NSUN6: variants seen among roughly 807,000 people sequenced by gnomAD.
NSUN6 encodes the protein tRNA (cytosine(72)-C(5))-methyltransferase NSUN6.
NSUN6 carries 64 observed loss-of-function variants against 58.0 expected under a neutral mutation model. That is an observed-to-expected ratio of 1.10 (90% confidence interval 0.90 to 1.36). The LOEUF is 1.36. Ranked by LOEUF, NSUN6 falls within the 40% of genes most tolerant of loss-of-function variation. The pLI, the probability that NSUN6 is intolerant of heterozygous loss-of-function variation, is 0.00. For synonymous variants in NSUN6, 231 were observed against 193.9 expected, an observed-to-expected ratio of 1.19 and a Z score of -1.59; for missense variants, 701 against 550.1, an observed-to-expected ratio of 1.27 and a Z score of -2.74.
At chr10:18,600,267 T>G (rs996304521) in intron 6 of NSUN6, among the ~76,000 whole-genome samples, 1 of 152,102 alleles carries the variant, frequency 6.6e-6, no homozygotes, top group South Asian at 2.1e-4. Context: ...CCCAAATATT[T>G]TTGCACAAGA....
chr10:18,605,133 T>C (rs1189242234), intron 6 of NSUN6, among the ~76,000 whole-genome samples: 1 of 150,358 alleles, frequency 6.7e-6, no homozygotes, highest in Non-Finnish European at 1.5e-5. Flanking sequence ...AATCCGCCCG[T>C]CTCGGCCTCC....
Position 18,545,868 on chromosome 10 carries a change from TAA to T in NSUN6, c.*63_*64del, listed in dbSNP as rs75967699. 3,093 of 728,974 alleles carry T rather than the reference TAA, an allele frequency of 4.2e-3. No individual in the cohort carries two copies. The highest frequency in any genetic ancestry group is 5.0e-3 in the South Asian group (291 of 58,166). The allele number at this position is 728,974 out of a possible 1,614,324, so 45.2% of individuals were successfully genotyped here. On this transcript the variant is annotated 3_prime_UTR_variant, in exon 11 of 11. Coordinates refer to ENST00000377304, the MANE Select transcript of NSUN6 (RefSeq NM_182543.5). ...TCAGTTGGCCTGACAACACTTTGGT[TAA>T]AAAAAAAAAAACCACAGACAGCAAA... is the stretch of plus-strand genomic sequence containing the variant.
At chr10:18,638,050 G>A (rs1293250071) in intron 3 of NSUN6, among the ~76,000 whole-genome samples, 1 of 152,150 alleles carries the variant, frequency 6.6e-6, no homozygotes, top group East Asian at 1.9e-4. Context: ...TACAACTCTA[G>A]TTTTCACTTG....
intron 3 of NSUN6, among the ~76,000 whole-genome samples, chr10:18,629,798 A>C (rs1409343788): frequency 1.4e-5 from 2 of 145,748 alleles, no homozygotes; most frequent in East Asian, 2.1e-4. Context: ...CCCACACATT[A>C]ATAATGGGAG....
intron 9 of NSUN6, among the ~76,000 whole-genome samples, chr10:18,551,244 T>TTG (rs35396134): frequency 0.12 from 15,803 of 126,984 alleles, 1,020 homozygotes; most frequent in South Asian, 0.23. Flanking sequence ...GTCCTCTCAG[T>TTG]TGTGTGTGTG....
chr10:18,650,010 C>G (rs2059657234), intron 1 of NSUN6, among the ~76,000 whole-genome samples: 1 of 151,994 alleles, frequency 6.6e-6, no homozygotes, highest in Non-Finnish European at 1.5e-5. Context: ...GTTACTCTAA[C>G]TAAGAAAACT....
At chr10:18,625,711 T>G (rs1280401453) in intron 3 of NSUN6, among the ~76,000 whole-genome samples, 1 of 79,910 alleles carries the variant, frequency 1.3e-5, no homozygotes, top group Non-Finnish European at 2.7e-5. Context: ...AGACTATGTG[T>G]TTTTTTTTTA....
intron 8 of NSUN6, among the ~76,000 whole-genome samples, chr10:18,572,167 T>C (rs968192087): frequency 3.3e-5 from 5 of 151,738 alleles, no homozygotes; most frequent in Non-Finnish European, 7.4e-5. Context: ...CACATTCCCT[T>C]CCATTCTCCA....
At chr10:18,554,152 C>A (rs111208086) in intron 8 of NSUN6, among the ~76,000 whole-genome samples, 1 of 135,104 alleles carries the variant, frequency 7.4e-6, no homozygotes, top group Non-Finnish European at 1.6e-5. Context: ...ATTGGATAAA[C>A]GAATGCGGAA....
intron 3 of NSUN6, among the ~76,000 whole-genome samples, chr10:18,622,204 T>G (rs1282133967): frequency 6.6e-6 from 1 of 152,154 alleles, no homozygotes; most frequent in Non-Finnish European, 1.5e-5. Context: ...GAGGGTAGAA[T>G]GCTCATAAAT....
rs898894826 is a variant in NSUN6 at position 18,651,488 on chromosome 10, CA to C, written c.-286del. On this transcript the variant is annotated 5_prime_UTR_variant, in exon 1 of 11. Coordinates refer to ENST00000377304, the MANE Select transcript of NSUN6 (RefSeq NM_182543.5). Reference sequence around the variant, plus strand: ...CAATGCCACTCACGTTGCAAAGAACCAAAAAAAGAAAAAAATGCTTAGTAAC... The same window carrying C: ...CAATGCCACTCACGTTGCAAAGAACCAAAAAAGAAAAAAATGCTTAGTAAC... 3 of 1,107,218 alleles carry C rather than the reference CA, an allele frequency of 2.7e-6. No homozygotes were observed. The highest frequency in any genetic ancestry group is 5.2e-5 in the East Asian group (1 of 19,236). The allele number at this position is 1,107,218 out of a possible 1,614,324, so 68.6% of individuals were successfully genotyped here. A position where few individuals can be genotyped will look rare whatever the true frequency, so the allele number is the denominator to read the frequency against.
At chr10:18,649,139 A>G (rs1267773780) in intron 1 of NSUN6, among the ~76,000 whole-genome samples, 2 of 152,214 alleles carry the variant, frequency 1.3e-5, no homozygotes. Flanking sequence ...TGTCATATAA[A>G]GATTCCCCTA....
chr10:18,623,024 C>A (rs1277343132), intron 3 of NSUN6, among the ~76,000 whole-genome samples: 8 of 152,096 alleles, frequency 5.3e-5, no homozygotes, highest in East Asian at 1.9e-4. Context: ...TCTGGCATTC[C>A]GTTTTCTCCT....
At chr10:18,613,786 G>A (rs2058318299) in intron 5 of NSUN6, among the ~76,000 whole-genome samples, 1 of 152,098 alleles carries the variant, frequency 6.6e-6, no homozygotes, top group East Asian at 1.9e-4. Flanking sequence ...ACCAATTAGG[G>A]ATATCGTCCA....
At chr10:18,592,982 A>G (rs1390087127) in intron 7 of NSUN6, among the ~76,000 whole-genome samples, 1 of 152,246 alleles carries the variant, frequency 6.6e-6, no homozygotes, top group Non-Finnish European at 1.5e-5. Context: ...TCTAATAACC[A>G]GAATCTACGA....
At chr10:18,587,273 G>A (rs1408424665) in intron 7 of NSUN6, among the ~76,000 whole-genome samples, 1 of 152,174 alleles carries the variant, frequency 6.6e-6, no homozygotes, top group African/African-American at 2.4e-5. Context: ...GCTTTGAGAT[G>A]CAAATGAATG....
chr10:18,549,274 T>C (rs953838497), intron 9 of NSUN6, among the ~76,000 whole-genome samples: 5 of 152,174 alleles, frequency 3.3e-5, no homozygotes, highest in African/African-American at 4.8e-5. Context: ...CTCTGGCCCA[T>C]TTGACTTTGG....
At chr10:18,597,642 T>C (rs954284223) in intron 6 of NSUN6, among the ~76,000 whole-genome samples, 3 of 152,190 alleles carry the variant, frequency 2.0e-5, no homozygotes, top group Non-Finnish European at 4.4e-5. Context: ...GGCACATGCC[T>C]GTAATCCCAG....
chr10:18,655,527 A>AG (rs2059767434), upstream of NSUN6, among the ~76,000 whole-genome samples: 1 of 152,224 alleles, frequency 6.6e-6, no homozygotes. Context: ...GTCATTTGTG[A>AG]GGAAAGAACT....
Sources: allele counts gnomAD v4.1 joint callset (sites outside exome capture counted in the v4.1 genomes callset), GRCh38; gene constraint gnomAD v4.1.1; transcripts MANE v1.5; gene names NCBI Gene and HGNC (gene_info 2026-07-23, HGNC 2026-07-21).